The following MYO5C variants were observed in gnomAD, a reference collection of about 807,000 sequenced individuals.
MYO5C encodes the protein myosin VC.
In MYO5C, 194 loss-of-function variants were observed where a neutral mutation model predicts 235.7. That is an observed-to-expected ratio of 0.82 (90% CI 0.73 to 0.93). MYO5C has a LOEUF of 0.93. MYO5C is among the 40% of genes least tolerant of loss of function. The pLI, the probability that MYO5C is intolerant of heterozygous loss-of-function variation, is 0.00. For missense variants in MYO5C, 2,038 were observed against 2,127.2 expected (o/e 0.96, Z 0.82); for synonymous variants, 707 against 754.8 (o/e 0.94, Z 1.04).
Position 52,242,046 on chromosome 15 carries a change from A to C in MYO5C, c.2556+2T>G, listed in dbSNP as rs757941938. ...CTTCCTCTAGACAGAGGTTGGCCTC[A>C]CCTTTCGATACCTCCTCCTTGCCAG... On this transcript the variant is annotated splice_donor_variant, in intron 20 of 40. Transcript: ENST00000261839. LOFTEE classifies it high-confidence loss of function. 5.0e-6 allele frequency: 8 copies of C among 1,607,898 alleles called. No homozygotes were observed. Among genetic ancestry groups the C allele is most frequent in the Non-Finnish European group, 6.8e-6 (8 of 1,177,068 alleles).
chr15:52,274,278 T>C (rs1201859552), intron 5 of MYO5C, among the ~76,000 whole-genome samples: 1 of 152,182 alleles, frequency 6.6e-6, no homozygotes, highest in Admixed American at 6.6e-5. Context: ...TGGCACTGGC[T>C]CTTGATAACT....
chr15:52,293,190 T>C (rs1363165412), intron 1 of MYO5C, among the ~76,000 whole-genome samples: 1 of 152,192 alleles, frequency 6.6e-6, no homozygotes, highest in Non-Finnish European at 1.5e-5. Flanking sequence ...AGACTTCTCC[T>C]GGAGTTCCCT....
chr15:52,223,148 CAA>C (rs59251560), intron 29 of MYO5C, among the ~76,000 whole-genome samples: 9,683 of 128,584 alleles, frequency 0.075, 361 homozygotes, highest in East Asian at 0.13. Flanking sequence ...GACTTCATCT[CAA>C]AAAAAAAAAA....
chr15:52,208,494 C>G (rs1308848264), intron 36 of MYO5C, 60 bp downstream of exon 36: 1 of 1,500,776 alleles, frequency 6.7e-7, no homozygotes, highest in African/African-American at 1.4e-5. Context: ...AGCTCTGGCT[C>G]AGGAGGAGGT....
intron 29 of MYO5C, among the ~76,000 whole-genome samples, chr15:52,223,184 G>A (rs977797885): frequency 6.0e-5 from 9 of 150,078 alleles, no homozygotes; most frequent in Non-Finnish European, 8.9e-5. Flanking sequence ...TTTCAGGCAT[G>A]AGCAGGACTG....
chr15:52,220,098 G>A (rs939451759), intron 30 of MYO5C, among the ~76,000 whole-genome samples: 1 of 152,178 alleles, frequency 6.6e-6, no homozygotes, highest in Non-Finnish European at 1.5e-5. Context: ...AGCTGTCATG[G>A]GCTGCATGTG....
At chr15:52,276,329 C>T (rs745741926) in intron 4 of MYO5C, among the ~76,000 whole-genome samples, 28 of 152,272 alleles carry the variant, frequency 1.8e-4, no homozygotes, top group Middle Eastern at 3.4e-3. Context: ...CAGTGGAACA[C>T]GGGTGCAAAC....
chr15:52,252,804 A>T (rs547666517), intron 12 of MYO5C, among the ~76,000 whole-genome samples: 11 of 152,070 alleles, frequency 7.2e-5, no homozygotes, highest in African/African-American at 2.7e-4. Flanking sequence ...TAACCCCGAA[A>T]CCTTATTAAT....
intron 14 of MYO5C, 149 bp from the exon 15 acceptor site, chr15:52,247,741 A>C: frequency 1.2e-6 from 1 of 814,198 alleles, no homozygotes; most frequent in Non-Finnish European, 1.9e-6. Context: ...TCAATTCCAC[A>C]AGACGATCGT....
At chr15:52,217,012 C>T (rs2035570611) in intron 32 of MYO5C, among the ~76,000 whole-genome samples, 1 of 152,170 alleles carries the variant, frequency 6.6e-6, no homozygotes, top group African/African-American at 2.4e-5. Flanking sequence ...CTGCTGACAC[C>T]TTGACTTCAG....
intron 13 of MYO5C, among the ~76,000 whole-genome samples, chr15:52,250,090 C>T (rs2036439472): frequency 6.6e-6 from 1 of 152,076 alleles, no homozygotes; most frequent in Non-Finnish European, 1.5e-5. Context: ...GGTCTTTCCC[C>T]CTCCCTTTTC....
intron 10 of MYO5C, among the ~76,000 whole-genome samples, chr15:52,257,546 G>A (rs1022170038): frequency 1.3e-5 from 2 of 152,176 alleles, no homozygotes; most frequent in Non-Finnish European, 2.9e-5. Flanking sequence ...ACAAAACAGA[G>A]GCACCAAATT....
chr15:52,223,538 C>T lies in MYO5C; in HGVS notation c.3627+6G>A, dbSNP rs2035748786. ...CCACGACTGGGGCCCCTGGCTGAGA[C>T]CATACCATGTTCTCTGATGTTAGCC... On this transcript the variant is annotated splice_donor_region_variant and intron_variant, in intron 29 of 40. Coordinates refer to ENST00000261839, the MANE Select transcript of MYO5C (RefSeq NM_018728.4). 6 of 1,612,086 alleles carry T rather than the reference C, an allele frequency of 3.7e-6. No individual in the cohort carries two copies. The highest frequency in any genetic ancestry group is 5.1e-6 in the Non-Finnish European group (6 of 1,179,016).
intron 13 of MYO5C, chr15:52,251,187 A>C (rs2036464774): frequency 2.6e-6 from 1 of 380,942 alleles, no homozygotes; most frequent in Non-Finnish European, 4.6e-6. Context: ...GTCTTCTAAC[A>C]ACACATTCGT....
intron 5 of MYO5C, among the ~76,000 whole-genome samples, chr15:52,273,279 C>T (rs1160803766): frequency 1.3e-5 from 2 of 152,304 alleles, no homozygotes; most frequent in Non-Finnish European, 2.9e-5. Context: ...GCTATGATTG[C>T]ACCACCGCAC....
intron 1 of MYO5C, among the ~76,000 whole-genome samples, chr15:52,285,425 C>CCCTCTCCCTCTCCCT (rs1566995046): frequency 2.0e-4 from 4 of 20,392 alleles, no homozygotes; most frequent in Non-Finnish European, 7.4e-4. Context: ...TCCCTCCTCT[C>CCCTCTCCCTCTCCCT]CCTCTCCCTC....
In MYO5C at chr15:52,192,468, G is replaced by T. The variant is rs1031857457; in HGVS notation, c.*1434C>A. 5.9e-5 allele frequency: 9 copies of T among 152,176 alleles called. No homozygotes were observed. Among genetic ancestry groups the T allele is most frequent in the Non-Finnish European group, 1.3e-4 (9 of 68,038 alleles). 9.4% of individuals were successfully genotyped at this position (152,176 alleles called of 1,614,324 possible). ...TAGCAGGGTGATGCTTCATAATCAT[G>T]TATTATTCCTACCTCTAAGACACCA... On this transcript the variant is annotated 3_prime_UTR_variant, in exon 41 of 41. Transcript: ENST00000261839.
chr15:52,272,931 C>G (rs1400207640), intron 5 of MYO5C, among the ~76,000 whole-genome samples: 1 of 152,178 alleles, frequency 6.6e-6, no homozygotes, highest in African/African-American at 2.4e-5. Context: ...CTCCTTGGTC[C>G]CACTGGCAGA....
intron 40 of MYO5C, 58 bp from the exon 41 acceptor site, chr15:52,194,112 C>T: frequency 6.5e-7 from 1 of 1,547,882 alleles, no homozygotes; most frequent in Non-Finnish European, 8.8e-7. Context: ...TGCTTTACTG[C>T]TACCTGAAAG....
Sources: allele counts gnomAD v4.1 joint callset (sites outside exome capture counted in the v4.1 genomes callset), GRCh38; gene constraint gnomAD v4.1.1; transcripts MANE v1.5; gene names NCBI Gene and HGNC (gene_info 2026-07-23, HGNC 2026-07-21).